ZBED4: variants seen among roughly 807,000 people sequenced by gnomAD.
The protein encoded by ZBED4 is zinc finger BED-type containing 4.
Under a neutral mutation model 15.5 loss-of-function variants are expected in ZBED4, and 4 were observed. The ratio of observed to expected loss-of-function variants is 0.26; its 90% CI spans 0.13 to 0.59. The LOEUF (loss-of-function observed/expected upper bound fraction) is 0.59, where lower values mean the gene tolerates loss of function less well. ZBED4 is among the 20% of genes least tolerant of loss of function. The pLI, the probability that ZBED4 is intolerant of heterozygous loss-of-function variation, is 0.90. For synonymous variants in ZBED4, 692 were observed against 608.5 expected, an observed-to-expected ratio of 1.14 and a Z score of -2.02; for missense variants, 1,323 against 1,461.8, an observed-to-expected ratio of 0.91 and a Z score of 1.55.
rs772724161 is a variant in ZBED4, at chr22:49,885,075, C to A, written c.1413C>A (p.Asp471Glu). 6.2e-7 allele frequency: 1 copy of A among 1,612,624 alleles called. No individual in the cohort carries two copies. The highest frequency in any genetic ancestry group is 1.7e-5 in the Admixed American group (1 of 59,738). Residue 471 changes from aspartate to glutamate, a missense_variant, in exon 2 of 2, where the codon GAC (aspartate) becomes GAA (glutamate). Asp to Glu is a conservative substitution (Grantham distance 45). This residue lies in a region of ZBED4 where 429 missense variants were observed against 397.9 expected (regional missense o/e 1.08). Coordinates refer to ENST00000216268, the MANE Select transcript of ZBED4 (RefSeq NM_014838.3). ...ATCACTTCTCCCTGGCCCCCATGGA[C>A]AGCCTCAAGGCCGAGTGTCGGTACT... is the stretch of plus-strand genomic sequence containing the variant. The part of the protein sequence containing the change: ...VWHHFSLAPM[D>E]SLKAECRYCG...
At position 49,887,091 on chromosome 22, in the gene ZBED4, C is replaced by T; in HGVS notation, c.3429C>T (p.Ser1143=). The change falls in exon 2 of 2, where the codon AGC becomes AGT. Residue 1143 remains serine (S), a synonymous_variant. Transcript: ENST00000216268. The part of the protein sequence containing the change: ...KLFNTPTENG[S]LGQSRLMMEH... ...TCAACACACCCACTGAGAACGGTAG[C>T]CTTGGCCAATCCAGGCTCATGATGG... 1.2e-6 allele frequency: 2 copies of T among 1,614,196 alleles called. No homozygotes were observed. The highest frequency in any genetic ancestry group is 1.7e-6 in the Non-Finnish European group (2 of 1,180,036).
chr22:49,878,031 G>C (rs188051994), intron 1 of ZBED4, among the ~76,000 whole-genome samples: 131 of 152,206 alleles, frequency 8.6e-4, no homozygotes, highest in Non-Finnish European at 1.1e-3. Flanking sequence ...GAGGCCAGGC[G>C]TGGTGGCTCA....
rs770275873 is a variant in ZBED4 at position 49,886,680 on chromosome 22, G to A, written c.3018G>A (p.Thr1006=). Residue 1006 remains threonine, a synonymous_variant, in exon 2 of 2, where the codon ACG becomes ACA. Coordinates refer to ENST00000216268, the MANE Select transcript of ZBED4 (RefSeq NM_014838.3). The surrounding 1 kb of genome is among the most constrained non-coding windows in gnomAD (Gnocchi z 7.7). The stretch of plus-strand genomic sequence containing the variant: ...ACGACCCGCGGTACGTCTTCGCCAC[G>A]CTGCTGGATCCTCGCTACAAGGCCT... ...TLHDPRYVFA[T]LLDPRYKASL... is the part of the protein sequence containing the mutation. 46 of 1,612,078 alleles carry A rather than the reference G, an allele frequency of 2.9e-5. No homozygotes were observed. The Middle Eastern group carries it at 4.9e-4, about 17-fold the overall frequency.
chr22:49,882,988 A>T (rs2060417174), intron 1 of ZBED4, among the ~76,000 whole-genome samples: 2 of 152,232 alleles, frequency 1.3e-5, no homozygotes, highest in Admixed American at 1.3e-4. Context: ...AGCTTTGCTG[A>T]TTATAGCAGC....
intron 1 of ZBED4, among the ~76,000 whole-genome samples, chr22:49,855,438 A>AC (rs2060271149): frequency 6.6e-6 from 1 of 151,914 alleles, no homozygotes; most frequent in Non-Finnish European, 1.5e-5. Flanking sequence ...CTCCTCCCCA[A>AC]CCCCCTCCAC....
chr22:49,875,641 G>A (rs112772169), intron 1 of ZBED4, among the ~76,000 whole-genome samples: 17,004 of 151,854 alleles, frequency 0.11, 1,316 homozygotes, highest in African/African-American at 0.21. Flanking sequence ...GGCTGGTCTC[G>A]ATCTACTGAC....
intron 1 of ZBED4, among the ~76,000 whole-genome samples, chr22:49,874,698 T>TTTTTTTG (rs2060367359): frequency 7.0e-6 from 1 of 142,292 alleles, no homozygotes; most frequent in African/African-American, 2.6e-5. Context: ...TTTTTTTTTT[T>TTTTTTTG]GAGACGGAGT....
At chr22:49,869,020 A>G (rs2060333825) in intron 1 of ZBED4, among the ~76,000 whole-genome samples, 1 of 151,124 alleles carries the variant, frequency 6.6e-6, no homozygotes, top group African/African-American at 2.4e-5. Context: ...GCTGCTTGTG[A>G]GACTGAGGCA....
At chr22:49,855,633 A>G (rs1318991461) in intron 1 of ZBED4, among the ~76,000 whole-genome samples, 1 of 151,364 alleles carries the variant, frequency 6.6e-6, no homozygotes, top group Non-Finnish European at 1.5e-5. Flanking sequence ...TGGGGAGTGG[A>G]CTCCTGGCGG....
At chr22:49,867,455 T>C (rs571367086) in intron 1 of ZBED4, among the ~76,000 whole-genome samples, 183 of 152,366 alleles carry the variant, frequency 1.2e-3, no homozygotes, top group Non-Finnish European at 2.0e-3. Context: ...CTGTTCTCGC[T>C]GACTTTCTGT....
At chr22:49,855,118 A>G (rs952464950) in intron 1 of ZBED4, among the ~76,000 whole-genome samples, 3 of 152,192 alleles carry the variant, frequency 2.0e-5, no homozygotes, top group African/African-American at 7.2e-5. Flanking sequence ...AGGGTTTCCA[A>G]TGGGACGTCC....
At chr22:49,862,190 G>A (rs1894559400) in intron 1 of ZBED4, among the ~76,000 whole-genome samples, 2 of 152,238 alleles carry the variant, frequency 1.3e-5, no homozygotes, top group African/African-American at 2.4e-5. Flanking sequence ...GTAAGTCCCC[G>A]AGGGCGGTTG....
chr22:49,877,552 C>T (rs577538843), intron 1 of ZBED4, among the ~76,000 whole-genome samples: 2 of 152,114 alleles, frequency 1.3e-5, no homozygotes, highest in Admixed American at 6.5e-5. Context: ...CTTGGCCTCC[C>T]AAAGTGCTGG....
chr22:49,866,388 C>A (rs971196300), intron 1 of ZBED4, among the ~76,000 whole-genome samples: 1 of 151,880 alleles, frequency 6.6e-6, no homozygotes, highest in African/African-American at 2.4e-5. Context: ...CCCCTCATTT[C>A]TTTTTCATTA....
At chr22:49,855,712 G>C (rs1420014889) in intron 1 of ZBED4, among the ~76,000 whole-genome samples, 1 of 152,136 alleles carries the variant, frequency 6.6e-6, no homozygotes, top group African/African-American at 2.4e-5. Flanking sequence ...TTCTTTGCCT[G>C]GCTTTAGCTT....
chr22:49,886,674 C>T lies in ZBED4; in HGVS notation c.3012C>T (p.Phe1004=), dbSNP rs139237344. Residue 1004 remains phenylalanine (F), a synonymous_variant, in exon 2 of 2, where the codon TTC becomes TTT. Coordinates refer to ENST00000216268, the MANE Select transcript of ZBED4 (RefSeq NM_014838.3). The surrounding 1 kb of genome is among the most constrained non-coding windows in gnomAD (Gnocchi z 7.7). ...SATLHDPRYV[F]ATLLDPRYKA... ...CCCTCCACGACCCGCGGTACGTCTT[C>T]GCCACGCTGCTGGATCCTCGCTACA... The T allele has an allele frequency of 3.0e-4, 491 of 1,611,454 alleles. 1 individual carries two copies. The highest frequency in any genetic ancestry group is 3.5e-4 in the Non-Finnish European group (412 of 1,178,874).
intron 1 of ZBED4, among the ~76,000 whole-genome samples, chr22:49,877,817 C>T (rs1207966674): frequency 6.6e-6 from 1 of 152,136 alleles, no homozygotes; most frequent in Non-Finnish European, 1.5e-5. Flanking sequence ...CCTCGTGGCC[C>T]CTCCTCCCGC....
At position 49,883,514 on chromosome 22, in the gene ZBED4, C is replaced by G. The variant is rs138231780; in HGVS notation, c.-149C>G. The stretch of plus-strand genomic sequence containing the variant: ...GAGTCACAGATTCTTTTTTTCAGTA[C>G]TATTTATGATTAGCCATATTTCTAG... On this transcript the variant is annotated 5_prime_UTR_variant, in exon 2 of 2. Coordinates refer to ENST00000216268, the MANE Select transcript of ZBED4 (RefSeq NM_014838.3). 3.6e-6 allele frequency: 4 copies of G among 1,117,058 alleles called. No homozygotes were observed. Among genetic ancestry groups the G allele is most frequent in the Non-Finnish European group, 4.9e-6 (4 of 818,654 alleles). The allele number at this position is 1,117,058 out of a possible 1,614,324, so 69.2% of individuals were successfully genotyped here.
chr22:49,864,175 C>G (rs1333862266), intron 1 of ZBED4, among the ~76,000 whole-genome samples: 1 of 152,218 alleles, frequency 6.6e-6, no homozygotes, highest in Admixed American at 6.5e-5. Flanking sequence ...TTTCTGACGG[C>G]AGGGCGTTCA....
Sources: allele counts gnomAD v4.1 joint callset (sites outside exome capture counted in the v4.1 genomes callset), GRCh38; gene constraint gnomAD v4.1.1; regional missense constraint gnomAD v4.1.1; non-coding constraint Gnocchi (gnomAD v3.1); transcripts MANE v1.5; gene names NCBI Gene and HGNC (gene_info 2026-07-23, HGNC 2026-07-21).